KMT2C: variants seen among roughly 807,000 people sequenced by gnomAD.
KMT2C encodes the protein lysine methyltransferase 2C, also known as histone-lysine N-methyltransferase 2C.
KMT2C carries 88 observed loss-of-function variants against 507.9 expected under a neutral mutation model. The ratio of observed to expected loss-of-function variants is 0.17; its 90% CI spans 0.15 to 0.21. The LOEUF (loss-of-function observed/expected upper bound fraction) is 0.21, where lower values mean the gene tolerates loss of function less well. Among genes scored for constraint, KMT2C ranks in the 10% least tolerant of loss-of-function variants. KMT2C has a pLI of 1.00. For synonymous variants in KMT2C, 2,049 were observed against 2,080.8 expected (o/e 0.98, Z 0.42); for missense variants, 4,954 against 5,957.8 (o/e 0.83, Z 5.55).
intron 23 of KMT2C, among the ~76,000 whole-genome samples, chr7:152,215,781 G>A (rs1278025844): frequency 1.3e-5 from 2 of 151,018 alleles, no homozygotes; most frequent in Non-Finnish European, 2.9e-5. Flanking sequence ...ACATCTGGAA[G>A]GTTACACAAG....
chr7:152,278,831 T>C (rs2096142504), intron 6 of KMT2C, among the ~76,000 whole-genome samples: 2 of 152,306 alleles, frequency 1.3e-5, no homozygotes, highest in African/African-American at 4.8e-5. Flanking sequence ...AATAAATATA[T>C]GTCACATATA....
rs2094065701 is a variant in KMT2C at position 152,199,413 on chromosome 7, T to C, written c.4139A>G (p.Lys1380Arg). ...TTCTGACAGATTATCTAAACTTATC[T>C]TGCTTTGTCTACTTGTATCTAGAAG... is the stretch of plus-strand genomic sequence containing the variant. ...KDLLDTSRQS[K>R]ISLDNLSEDG... is the part of the protein sequence containing the mutation. The change falls in exon 27 of 59, where the codon AAG becomes AGG. Residue 1380 changes from lysine (K) to arginine (R), a missense_variant. Physicochemically the swap from Lys to Arg is conservative, Grantham distance 26. Around this residue, in one of 29 missense-constraint regions of KMT2C, gnomAD observed 140 missense variants for 118.4 expected, o/e 1.18. Transcript: ENST00000262189. 3 of 1,591,188 alleles carry C rather than the reference T, an allele frequency of 1.9e-6. No individual in the cohort carries two copies. The highest frequency in any genetic ancestry group is 2.6e-6 in the Non-Finnish European group (3 of 1,172,366).
chr7:152,161,402 T>C (rs2092448199), intron 43 of KMT2C, among the ~76,000 whole-genome samples: 1 of 152,200 alleles, frequency 6.6e-6, no homozygotes. Flanking sequence ...GCACTGGTAA[T>C]GGCACTGCAC....
chr7:152,141,537 C>T lies in KMT2C; in HGVS notation c.14344-1746G>A, dbSNP rs566115563. Reference sequence around the variant, plus strand: ...CAGCCTGGCCAATATGGTGAAATCCCATCTCTACTTAAAAAAAAAAAAAAA... The same window carrying T: ...CAGCCTGGCCAATATGGTGAAATCCTATCTCTACTTAAAAAAAAAAAAAAA... On this transcript the variant is annotated intron_variant, in intron 55 of 58. Coordinates refer to ENST00000262189, the MANE Select transcript of KMT2C (RefSeq NM_170606.3). Among the ~76,000 whole-genome samples, 240 of 147,676 alleles carry T rather than the reference C, an allele frequency of 1.6e-3. 1 individual carries two copies. The highest frequency in any genetic ancestry group is 5.8e-3 in the African/African-American group (229 of 39,706).
chr7:152,181,516 G>T lies in KMT2C; in HGVS notation c.6344C>A (p.Ala2115Asp), dbSNP rs750223446. 6.2e-7 allele frequency: 1 copy of T among 1,614,076 alleles called. No individual in the cohort carries two copies. Among genetic ancestry groups the T allele is most frequent in the African/African-American group, 1.3e-5 (1 of 75,032 alleles). The change falls in exon 36 of 59, where the codon GCT becomes GAT. Residue 2115 changes from alanine to aspartate, a missense_variant. Physicochemically the swap from Ala to Asp is moderately radical, Grantham distance 126 (BLOSUM62 -2). Coordinates refer to ENST00000262189, the MANE Select transcript of KMT2C (RefSeq NM_170606.3). ...TGATATGGTTCCAGGCTGGGAAAAA[G>T]CCCTTGAAGGATGGGCAAAAGATTC... ...VNESFAHPSR[A>D]FSQPGTISRP...
chr7:152,357,352 G>A (rs564666834), intron 2 of KMT2C, among the ~76,000 whole-genome samples: 27 of 152,166 alleles, frequency 1.8e-4, no homozygotes, highest in Admixed American at 5.9e-4. Flanking sequence ...GTGAAACCCC[G>A]TCTCTACTAA....
At chr7:152,369,835 C>G (rs1303015780) in intron 1 of KMT2C, among the ~76,000 whole-genome samples, 1 of 152,150 alleles carries the variant, frequency 6.6e-6, no homozygotes, top group East Asian at 1.9e-4. Flanking sequence ...AAACTACCAA[C>G]TCTCGGGTAT....
At chr7:152,243,657 C>T (rs934312899) in intron 14 of KMT2C, among the ~76,000 whole-genome samples, 45 of 152,074 alleles carry the variant, frequency 3.0e-4, no homozygotes, top group African/African-American at 1.0e-3. Flanking sequence ...TGTTGACGTG[C>T]GCCCGTAGTC....
At chr7:152,312,524 G>A (rs894401172) in intron 4 of KMT2C, among the ~76,000 whole-genome samples, 1 of 152,184 alleles carries the variant, frequency 6.6e-6, no homozygotes, top group Non-Finnish European at 1.5e-5. Flanking sequence ...CAGCTGGTCT[G>A]TGGCATGACG....
Position 152,315,335 on chromosome 7 carries a change from T to C in KMT2C, c.393A>G (p.Glu131=). The change falls in exon 4 of 59, where the codon GAA becomes GAG. Residue 131 remains glutamate (E), a synonymous_variant. Transcript: ENST00000262189. The part of the protein sequence containing the change: ...VSVGVEAKIS[E]QLCAFCYCGE... ...CACAGTAACAAAAAGCGCAGAGCTG[T>C]TCACTAGTAAAAATGAAATGTAAGT... is the stretch of plus-strand genomic sequence containing the variant. The C allele has an allele frequency of 6.2e-7, 1 of 1,611,726 alleles. No individual in the cohort carries two copies. Among genetic ancestry groups the C allele is most frequent in the Non-Finnish European group, 8.5e-7 (1 of 1,178,430 alleles).
At chr7:152,351,379 T>TGCTATGACATCACGACA (rs1161622124) in intron 2 of KMT2C, among the ~76,000 whole-genome samples, 2 of 152,288 alleles carry the variant, frequency 1.3e-5, no homozygotes, top group South Asian at 2.1e-4. Context: ...TGTTGCGCTG[T>TGCTATGACATCACGACA]GCTATGACAT....
chr7:152,314,067 GA>G (rs2096699582), intron 4 of KMT2C, among the ~76,000 whole-genome samples: 1 of 152,068 alleles, frequency 6.6e-6, no homozygotes, highest in African/African-American at 2.4e-5. Flanking sequence ...GACAACTAAA[GA>G]AAAAGCTATA....
chr7:152,252,217 G>A, intron 10 of KMT2C, 127 bp from the exon 11 acceptor site: 1 of 683,660 alleles, frequency 1.5e-6, no homozygotes, highest in Non-Finnish European at 2.3e-6. Context: ...GAGGTTAGAG[G>A]AGTTGCTAAC....
In KMT2C at chr7:152,360,854, AG is replaced by A. The variant is rs201754308; in HGVS notation, c.162-2180del. ...ACAAGGGCGAAATTCTATCTCAAAA[AG>A]AAAAAAAAATTGAAGTAATCAAAGC... On this transcript the variant is annotated intron_variant, in intron 1 of 58. Coordinates refer to ENST00000262189, the MANE Select transcript of KMT2C (RefSeq NM_170606.3). Among the ~76,000 whole-genome samples, 266 of 149,272 alleles carry A rather than the reference AG, an allele frequency of 1.8e-3. 1 individual carries two copies. The highest frequency in any genetic ancestry group is 1.9e-3 in the African/African-American group (77 of 40,982).
intron 23 of KMT2C, among the ~76,000 whole-genome samples, chr7:152,212,125 A>G (rs1041368687): frequency 3.9e-5 from 6 of 152,176 alleles, no homozygotes; most frequent in Non-Finnish European, 8.8e-5. Context: ...GAAAAAGACC[A>G]TATCACCCAA....
chr7:152,327,003 C>T (rs1036853258), intron 3 of KMT2C, among the ~76,000 whole-genome samples: 1 of 152,176 alleles, frequency 6.6e-6, no homozygotes. Context: ...TTGGAATAAA[C>T]ACCAAGTCTG....
At chr7:152,325,201 G>C (rs2096815878) in intron 3 of KMT2C, among the ~76,000 whole-genome samples, 1 of 151,706 alleles carries the variant, frequency 6.6e-6, no homozygotes, top group African/African-American at 2.4e-5. Context: ...GCCCAGGCTG[G>C]AGTGCAATGG....
intron 1 of KMT2C, 130 bp downstream of exon 1, chr7:152,435,496 C>T (rs1404820082): frequency 3.8e-6 from 1 of 264,702 alleles, no homozygotes. Flanking sequence ...CGCCACCGCC[C>T]GCGGGCCCGC....
intron 2 of KMT2C, among the ~76,000 whole-genome samples, chr7:152,354,427 G>C (rs1371155084): frequency 6.6e-6 from 1 of 152,116 alleles, no homozygotes. Context: ...GGATAAATAA[G>C]GTAACAAGAC....
Sources: gnomAD v4.1 joint callset for allele counts (sites outside exome capture counted in the v4.1 genomes callset) on GRCh38, gnomAD v4.1.1 for gene constraint, gnomAD v4.1.1 regional missense constraint, MANE v1.5 for transcripts, NCBI Gene and HGNC (gene_info 2026-07-23, HGNC 2026-07-21) for gene names.